Variants in LRFN2 observed in about 807,000 individuals in gnomAD.
LRFN2 encodes leucine-rich repeat and fibronectin type-III domain-containing protein 2.
A neutral mutation model predicts 37.3 loss-of-function variants in LRFN2; 18 were observed. That is an observed-to-expected ratio of 0.48 (90% confidence interval 0.33 to 0.72). LRFN2 has a LOEUF of 0.72. Among genes scored for constraint, LRFN2 ranks in the 30% least tolerant of loss-of-function variants. The pLI is 0.02. For synonymous variants in LRFN2, 556 were observed against 466.6 expected (o/e 1.19, Z -2.47); for missense variants, 1,006 against 1,060.7 (o/e 0.95, Z 0.72).
chr6:40,431,941 G>C lies in LRFN2; in HGVS notation c.1173C>G (p.Pro391=). The change falls in exon 2 of 3, where the codon CCC becomes CCG. Residue 391 remains proline, a synonymous_variant. Coordinates refer to ENST00000338305, the MANE Select transcript of LRFN2 (RefSeq NM_020737.3). ...TGATGTCTGAGAGGCGGGACTTGGGGGGTGCAGTGCGGCTGGTGCTGTTGC... is the reference window on the plus strand; with the variant it reads ...TGATGTCTGAGAGGCGGGACTTGGGCGGTGCAGTGCGGCTGGTGCTGTTGC... ...HLSNSTSRTA[P]PKSRLSDITG... is the part of the protein sequence containing the mutation. 6.2e-7 allele frequency: 1 copy of C among 1,613,720 alleles called. No individual in the cohort carries two copies. The highest frequency in any genetic ancestry group is 8.5e-7 in the Non-Finnish European group (1 of 1,179,972).
Position 40,391,796 on chromosome 6 carries a change from G to A in LRFN2, c.*147C>T, listed in dbSNP as rs1263570413. 1.8e-5 allele frequency: 14 copies of A among 768,158 alleles called. No homozygotes were observed. Among genetic ancestry groups the A allele is most frequent in the Middle Eastern group, 4.0e-4 (1 of 2,508 alleles). 47.6% of individuals were successfully genotyped at this position (768,158 alleles called of 1,614,324 possible). On this transcript the variant is annotated 3_prime_UTR_variant, in exon 3 of 3. Transcript: ENST00000338305. ...GGGGAGGTGATGTGGGTGTTGCGGG[G>A]TAGGGGGGGACACGAGGCCATTGAC...
intron 1 of LRFN2, among the ~76,000 whole-genome samples, chr6:40,540,727 G>A (rs1322054721): frequency 1.3e-5 from 2 of 152,148 alleles, no homozygotes; most frequent in Admixed American, 6.5e-5. Flanking sequence ...CCCATGTGGA[G>A]GGCAACTCAC....
At chr6:40,455,738 A>G (rs1764222078) in intron 1 of LRFN2, among the ~76,000 whole-genome samples, 1 of 152,242 alleles carries the variant, frequency 6.6e-6, no homozygotes, top group South Asian at 2.1e-4. Flanking sequence ...AGGAGGTGGG[A>G]CTTGTCAATA....
At chr6:40,508,401 T>G (rs1313532495) in intron 1 of LRFN2, among the ~76,000 whole-genome samples, 1 of 152,144 alleles carries the variant, frequency 6.6e-6, no homozygotes, top group Admixed American at 6.5e-5. Context: ...TGCTCATGAA[T>G]GCAGGAGATG....
intron 1 of LRFN2, among the ~76,000 whole-genome samples, chr6:40,490,226 G>A (rs551344813): frequency 3.3e-5 from 5 of 152,366 alleles, no homozygotes; most frequent in East Asian, 1.9e-4. Context: ...TACAAGTGGG[G>A]AGATGGAAGA....
At chr6:40,580,365 G>C (rs1431285117) in intron 1 of LRFN2, among the ~76,000 whole-genome samples, 2 of 152,132 alleles carry the variant, frequency 1.3e-5, no homozygotes, top group African/African-American at 4.8e-5. Flanking sequence ...GGCTGAGAAG[G>C]ATAGAGGATC....
intron 1 of LRFN2, among the ~76,000 whole-genome samples, chr6:40,498,826 T>C (rs1397681831): frequency 6.6e-6 from 1 of 152,074 alleles, no homozygotes; most frequent in East Asian, 1.9e-4. Context: ...CACAGACTTA[T>C]TCAACATATA....
At chr6:40,496,178 C>T (rs143816507) in intron 1 of LRFN2, among the ~76,000 whole-genome samples, 40 of 152,210 alleles carry the variant, frequency 2.6e-4, no homozygotes, top group African/African-American at 8.2e-4. Flanking sequence ...AAATGTATCC[C>T]GAATCCAACC....
intron 1 of LRFN2, among the ~76,000 whole-genome samples, chr6:40,582,578 C>T (rs953958878): frequency 1.3e-5 from 2 of 151,860 alleles, no homozygotes; most frequent in African/African-American, 2.4e-5. Context: ...CCCTTGGAGA[C>T]ATTCAAAAAA....
chr6:40,458,251 G>A lies in LRFN2; in HGVS notation c.-18-25120C>T, dbSNP rs111478570. Among the ~76,000 whole-genome samples, 1,121 of 152,338 alleles carry A rather than the reference G, an allele frequency of 7.4e-3. 10 individuals are homozygous for A. Among genetic ancestry groups the A allele is most frequent in the Admixed American group, 0.011 (165 of 15,306 alleles). ...CTGATAACTGCTTTGTAGTAAACAC[G>A]AATGTATAAATTATGCCAGGTTAGA... On this transcript the variant is annotated intron_variant, in intron 1 of 2. Coordinates refer to ENST00000338305, the MANE Select transcript of LRFN2 (RefSeq NM_020737.3).
intron 1 of LRFN2, among the ~76,000 whole-genome samples, chr6:40,434,564 C>T (rs1037251662): frequency 3.3e-5 from 5 of 151,600 alleles, no homozygotes; most frequent in Non-Finnish European, 5.9e-5. Context: ...GCAACCTCTG[C>T]CTCTGTGGTT....
At chr6:40,517,325 G>T (rs1218330121) in intron 1 of LRFN2, 1 of 152,218 alleles carries the variant, frequency 6.6e-6, no homozygotes, top group Non-Finnish European at 1.5e-5. Flanking sequence ...GGGGGATGAA[G>T]GTATGATTCC....
intron 1 of LRFN2, among the ~76,000 whole-genome samples, chr6:40,495,892 C>A (rs1334955597): frequency 1.3e-5 from 2 of 152,178 alleles, no homozygotes; most frequent in African/African-American, 4.8e-5. Context: ...GCCCTTTCCT[C>A]CAAACCCCAC....
At chr6:40,547,287 TAGAG>T (rs1766683933) in intron 1 of LRFN2, among the ~76,000 whole-genome samples, 1 of 152,184 alleles carries the variant, frequency 6.6e-6, no homozygotes, top group South Asian at 2.1e-4. Flanking sequence ...GTATTTTTAG[TAGAG>T]ACAGAGTTTC....
At chr6:40,575,474 T>A (rs1767261504) in intron 1 of LRFN2, among the ~76,000 whole-genome samples, 2 of 152,156 alleles carry the variant, frequency 1.3e-5, no homozygotes, top group Non-Finnish European at 2.9e-5. Context: ...CCACCAGCCT[T>A]ACTCTGCGCC....
At chr6:40,440,138 A>T (rs1763797699) in intron 1 of LRFN2, among the ~76,000 whole-genome samples, 1 of 152,136 alleles carries the variant, frequency 6.6e-6, no homozygotes, top group Non-Finnish European at 1.5e-5. Flanking sequence ...AGGAAAAAAA[A>T]AAGGCAAAAT....
At chr6:40,548,440 C>CAAAAAAAAAAAAAAAAAAAAAAAAAAA (rs67639435) in intron 1 of LRFN2, among the ~76,000 whole-genome samples, 8 of 142,702 alleles carry the variant, frequency 5.6e-5, no homozygotes, top group South Asian at 2.2e-4. Flanking sequence ...GACTCCATCT[C>CAAAAAAAAAAAAAAAAAAAAAAAAAAA]AAAAAAAAAA....
At position 40,580,448 on chromosome 6, in the gene LRFN2, C is replaced by T. The variant is rs531484122; in HGVS notation, c.-19+6493G>A. On this transcript the variant is annotated intron_variant, in intron 1 of 2. Coordinates refer to ENST00000338305, the MANE Select transcript of LRFN2 (RefSeq NM_020737.3). ...ATCTTTAACCAGGGACAAAATATAC[C>T]CTTCCTGTCTTCCAGGGTTGTTCTA... Among the ~76,000 whole-genome samples the T allele has an allele frequency of 2.0e-5, 3 of 152,268 alleles. No homozygotes were observed. The South Asian group carries it at 6.2e-4, about 32-fold the overall frequency.
chr6:40,568,246 C>T (rs900541962), intron 1 of LRFN2, among the ~76,000 whole-genome samples: 3 of 152,232 alleles, frequency 2.0e-5, no homozygotes, highest in Non-Finnish European at 4.4e-5. Context: ...TGCCCTCCCA[C>T]AATGCAGTTA....
Sources: allele counts gnomAD v4.1 joint callset (sites outside exome capture counted in the v4.1 genomes callset), GRCh38; gene constraint gnomAD v4.1.1; transcripts MANE v1.5; gene names NCBI Gene and HGNC (gene_info 2026-07-23, HGNC 2026-07-21).